The following KPRP variants were observed in gnomAD, a reference collection of about 807,000 sequenced individuals.
The protein encoded by KPRP is keratinocyte proline rich protein, also known as keratinocyte proline-rich protein.
For missense variants in KPRP, 820 were observed against 746.4 expected, an observed-to-expected ratio of 1.10 and a Z score of -1.15; for synonymous variants, 282 against 276.9, an observed-to-expected ratio of 1.02 and a Z score of -0.18.
chr1:152,758,212 T>C (rs1390872721), upstream of KPRP, among the ~76,000 whole-genome samples: 2 of 152,160 alleles, frequency 1.3e-5, no homozygotes, highest in Non-Finnish European at 2.9e-5. Context: ...GGTGAGCTTT[T>C]AGGAGACAGA....
Position 152,760,361 on chromosome 1 carries a change from CT to C in KPRP, c.774del (p.Pro259LeufsTer27). 2 of 1,614,182 alleles carry C rather than the reference CT, an allele frequency of 1.2e-6. No individual in the cohort carries two copies. The highest frequency in any genetic ancestry group is 1.7e-6 in the Non-Finnish European group (2 of 1,180,020). On this transcript the variant is annotated frameshift_variant, in exon 1 of 1. Coordinates refer to ENST00000606109, the Ensembl canonical transcript of KPRP. LOFTEE classifies it low-confidence loss of function (END_TRUNC). ...CGGAGCACCAGCAGATGCCTTCCTC[CT>C]CCTCGGCGGCTGCAGCTTTTCCCCC...
At chr1:152,759,624 G>A (rs761781923) in exon 1 of KPRP, 45 of 1,613,916 alleles carry the variant, frequency 2.8e-5, no homozygotes, top group South Asian at 5.5e-5. Flanking sequence ...GCCGCCTGCC[G>A]CTCCAACAGT....
chr1:152,761,334 AG>A (rs1651126439), exon 1 of KPRP: 1 of 1,609,840 alleles, frequency 6.2e-7, no homozygotes, highest in Non-Finnish European at 8.5e-7. Context: ...TTTAAAGGAA[AG>A]GTGACTGAGA....
exon 1 of KPRP, chr1:152,760,072 G>A (rs1651056419): frequency 6.2e-7 from 1 of 1,614,074 alleles, no homozygotes; most frequent in South Asian, 1.1e-5. Context: ...TCCTCAGCCT[G>A]TCCAGATGTA....
exon 1 of KPRP, chr1:152,761,308 G>T: frequency 1.2e-6 from 2 of 1,613,412 alleles, no homozygotes; most frequent in Non-Finnish European, 1.7e-6. Flanking sequence ...GAAAGGGGAA[G>T]CAAAGAGTGC....
chr1:152,761,513 C>G, exon 1 of KPRP: 1 of 1,161,912 alleles, frequency 8.6e-7, no homozygotes, highest in Non-Finnish European at 1.2e-6. Flanking sequence ...AGATGCCTCT[C>G]CAGCCTCACG....
At chr1:152,758,641 C>A (rs1368102917), upstream of KPRP, among the ~76,000 whole-genome samples, 1 of 152,144 alleles carries the variant, frequency 6.6e-6, no homozygotes, top group African/African-American at 2.4e-5. Flanking sequence ...GCAGCCCTCA[C>A]GTTATGTTTG....
At position 152,761,348 on chromosome 1, in the gene KPRP, A is replaced by T; in HGVS notation, c.*20A>T. The T allele has an allele frequency of 2.5e-6, 4 of 1,602,428 alleles. No individual in the cohort carries two copies. The South Asian group carries it at 4.5e-5, about 18-fold the overall frequency. ...TTTTAAAGGAAAGGTGACTGAGATA[A>T]CCCTCTCTCCTGCTCTGAAAATGTT... On this transcript the variant is annotated 3_prime_UTR_variant, in exon 1 of 1. Coordinates refer to ENST00000606109, the Ensembl canonical transcript of KPRP.
At chr1:152,760,893 A>G (rs1308918645) in exon 1 of KPRP, 1 of 1,613,950 alleles carries the variant, frequency 6.2e-7, no homozygotes, top group South Asian at 1.1e-5. Flanking sequence ...TGTATCCAGA[A>G]CCACTTCCAG....
At chr1:152,760,970 G>A (rs143316039) in exon 1 of KPRP, 19 of 1,611,950 alleles carry the variant, frequency 1.2e-5, no homozygotes, top group Non-Finnish European at 1.5e-5. Flanking sequence ...CCAGAGCCAC[G>A]TCCATGCCTG....
At chr1:152,758,718 C>CT (rs2101560589), upstream of KPRP, among the ~76,000 whole-genome samples, 1 of 152,294 alleles carries the variant, frequency 6.6e-6, no homozygotes, top group Admixed American at 6.5e-5. Flanking sequence ...GAACCTTGGA[C>CT]TTTCTGGCTT....
chr1:152,761,248 C>A (rs369510908), exon 1 of KPRP: 13 of 1,613,440 alleles, frequency 8.1e-6, no homozygotes, highest in Admixed American at 1.7e-5. Context: ...GTTTCCAGAG[C>A]GGAGGGGTCA....
rs1160391112 is a variant in KPRP, at chr1:152,760,201, AC to A, written c.619del (p.Gln207SerfsTer4). The A allele has an allele frequency of 1.2e-6, 2 of 1,612,960 alleles. No individual in the cohort carries two copies. Among genetic ancestry groups the A allele is most frequent in the Non-Finnish European group, 1.7e-6 (2 of 1,179,796 alleles). On this transcript the variant is annotated frameshift_variant, in exon 1 of 1. Transcript: ENST00000606109. LOFTEE classifies it low-confidence loss of function (END_TRUNC). ...GTCAAGGGCTACCTGCAACAACTACACCCCCCAGTTCCAGTTGAGGCCTTCC... is the reference window on the plus strand; with the variant it reads ...GTCAAGGGCTACCTGCAACAACTACACCCCCAGTTCCAGTTGAGGCCTTCC...
chr1:152,760,882 T>C, exon 1 of KPRP: 1 of 1,614,144 alleles, frequency 6.2e-7, no homozygotes, highest in Non-Finnish European at 8.5e-7. Flanking sequence ...AGAACCTTGT[T>C]TGTATCCAGA....
Sources: allele counts gnomAD v4.1 joint callset (sites outside exome capture counted in the v4.1 genomes callset), GRCh38; gene constraint gnomAD v4.1.1; transcripts MANE v1.5; gene names NCBI Gene and HGNC (gene_info 2026-07-23, HGNC 2026-07-21).